VKORC1L1: variants seen among roughly 807,000 people sequenced by gnomAD.
VKORC1L1 encodes the protein vitamin K epoxide reductase complex subunit 1-like protein 1.
A neutral mutation model predicts 18.9 loss-of-function variants in VKORC1L1; 2 were observed. That is an observed-to-expected ratio of 0.11 (90% CI 0.04 to 0.33). The LOEUF (loss-of-function observed/expected upper bound fraction) is 0.33, where lower values mean the gene tolerates loss of function less well. VKORC1L1 is among the 10% of genes least tolerant of loss of function. The pLI, the probability that VKORC1L1 is intolerant of heterozygous loss-of-function variation, is 1.00. For missense variants in VKORC1L1, 123 were observed against 224.1 expected, an observed-to-expected ratio of 0.55 and a Z score of 2.88; for synonymous variants, 96 against 100.0, an observed-to-expected ratio of 0.96 and a Z score of 0.24.
upstream of VKORC1L1, among the ~76,000 whole-genome samples, chr7:65,872,606 G>A (rs999976168): frequency 2.0e-5 from 3 of 152,126 alleles, no homozygotes; most frequent in Non-Finnish European, 4.4e-5. Context: ...GGGATTACGG[G>A]TGTAAGCCAC....
At chr7:65,941,203 A>C (rs1331544904) in intron 1 of VKORC1L1, among the ~76,000 whole-genome samples, 2 of 152,122 alleles carry the variant, frequency 1.3e-5, no homozygotes, top group East Asian at 1.9e-4. Context: ...GCAGCCTCAA[A>C]CTCCTGGGCT....
Position 65,891,010 on chromosome 7 carries a change from A to G in VKORC1L1, c.194+17445A>G, listed in dbSNP as rs374060788. Reference sequence around the variant, plus strand: ...CCACACTGTTTTGACTTTGGCCACTATACATGCGTTTGGCCTGTTTTTGAA... The same window carrying G: ...CCACACTGTTTTGACTTTGGCCACTGTACATGCGTTTGGCCTGTTTTTGAA... On this transcript the variant is annotated intron_variant, in intron 1 of 2. Coordinates refer to ENST00000360768, the MANE Select transcript of VKORC1L1 (RefSeq NM_173517.6). 5.5e-4 allele frequency among the ~76,000 whole-genome samples: 83 copies of G among 152,068 alleles called. 1 individual carries two copies. Among genetic ancestry groups the G allele is most frequent in the African/African-American group, 2.0e-3 (83 of 41,490 alleles).
At chr7:65,911,919 A>G (rs1789508430) in intron 1 of VKORC1L1, among the ~76,000 whole-genome samples, 1 of 152,220 alleles carries the variant, frequency 6.6e-6, no homozygotes, top group South Asian at 2.1e-4. Context: ...GAAAATAGCT[A>G]GTTTCACTGC....
intron 1 of VKORC1L1, among the ~76,000 whole-genome samples, chr7:65,915,429 T>C (rs1789571703): frequency 6.7e-6 from 1 of 148,518 alleles, no homozygotes; most frequent in African/African-American, 2.5e-5. Context: ...TTTTTTTTTT[T>C]AGATGGAGTC....
intron 1 of VKORC1L1, among the ~76,000 whole-genome samples, chr7:65,916,061 A>C (rs931826003): frequency 3.2e-4 from 48 of 151,494 alleles, no homozygotes; most frequent in African/African-American, 1.1e-3. Context: ...CAGTGAGCCA[A>C]GATCACGCTA....
chr7:65,926,886 A>G (rs1466377298), intron 1 of VKORC1L1, among the ~76,000 whole-genome samples: 2 of 152,322 alleles, frequency 1.3e-5, no homozygotes, highest in East Asian at 3.8e-4. Context: ...CTCACTTATA[A>G]GTGGGAGCTA....
chr7:65,882,181 A>G (rs1328253355), intron 1 of VKORC1L1, among the ~76,000 whole-genome samples: 2 of 152,068 alleles, frequency 1.3e-5, no homozygotes, highest in Non-Finnish European at 2.9e-5. Context: ...GGAGTTGGAG[A>G]CCAGCCTGAC....
chr7:65,928,979 A>C (rs948697121), intron 1 of VKORC1L1, among the ~76,000 whole-genome samples: 6 of 152,180 alleles, frequency 3.9e-5, no homozygotes, highest in Non-Finnish European at 5.9e-5. Flanking sequence ...GTATTTCTCT[A>C]ATAACTAAAG....
chr7:65,877,351 T>C (rs1325020189), intron 1 of VKORC1L1, among the ~76,000 whole-genome samples: 1 of 132,524 alleles, frequency 7.5e-6, no homozygotes, highest in Non-Finnish European at 1.7e-5. Context: ...CAGAATATTC[T>C]TTTTTTTTTT....
chr7:65,935,530 C>T (rs368524650), intron 1 of VKORC1L1, among the ~76,000 whole-genome samples: 2 of 152,008 alleles, frequency 1.3e-5, no homozygotes, highest in African/African-American at 2.4e-5. Context: ...GGATGATCTT[C>T]GATCTCCTGA....
intron 1 of VKORC1L1, among the ~76,000 whole-genome samples, chr7:65,883,820 C>T (rs1788969099): frequency 6.6e-6 from 1 of 151,974 alleles, no homozygotes; most frequent in Admixed American, 6.6e-5. Context: ...GTTATAGATG[C>T]ACATAAAATT....
chr7:65,869,491 G>C (rs1380889087), upstream of VKORC1L1, among the ~76,000 whole-genome samples: 1 of 151,958 alleles, frequency 6.6e-6, no homozygotes, highest in Non-Finnish European at 1.5e-5. Context: ...TTCCTGTGGC[G>C]GCTTTGGGGA....
Position 65,903,157 on chromosome 7 carries a change from C to T in VKORC1L1, c.194+29592C>T, listed in dbSNP as rs28772730. The stretch of plus-strand genomic sequence containing the variant: ...CTGGGATTACAGGTGTAAGCCACCA[C>T]GCTTGGCCTTCATTTTTTTTTTTTT... On this transcript the variant is annotated intron_variant, in intron 1 of 2. Coordinates refer to ENST00000360768, the MANE Select transcript of VKORC1L1 (RefSeq NM_173517.6). 1.1e-3 allele frequency among the ~76,000 whole-genome samples: 165 copies of T among 149,298 alleles called. 1 individual carries two copies. The highest frequency in any genetic ancestry group is 3.7e-3 in the African/African-American group (150 of 40,708).
intron 1 of VKORC1L1, among the ~76,000 whole-genome samples, chr7:65,927,917 A>G (rs1187581684): frequency 6.6e-6 from 1 of 152,098 alleles, no homozygotes; most frequent in Non-Finnish European, 1.5e-5. Context: ...GCCCCAACTG[A>G]TAGGCGCCTG....
chr7:65,925,372 A>C (rs35310401), intron 1 of VKORC1L1, among the ~76,000 whole-genome samples: 2 of 152,070 alleles, frequency 1.3e-5, no homozygotes, highest in Non-Finnish European at 2.9e-5. Context: ...TCAGTGCTCT[A>C]AACTGTTACA....
intron 1 of VKORC1L1, among the ~76,000 whole-genome samples, chr7:65,875,496 C>T (rs1410719054): frequency 2.0e-5 from 3 of 152,092 alleles, no homozygotes; most frequent in Non-Finnish European, 4.4e-5. Context: ...CGACTCACTG[C>T]AACCTCCACC....
At chr7:65,878,719 A>G (rs1788872798) in intron 1 of VKORC1L1, among the ~76,000 whole-genome samples, 1 of 152,120 alleles carries the variant, frequency 6.6e-6, no homozygotes, top group Non-Finnish European at 1.5e-5. Flanking sequence ...CCTGGCTAAC[A>G]TGGTGAAACC....
intron 1 of VKORC1L1, among the ~76,000 whole-genome samples, chr7:65,895,516 T>TATATATATATATATATATATAC (rs370356956): frequency 1.4e-5 from 1 of 71,582 alleles, no homozygotes; most frequent in Non-Finnish European, 2.7e-5. Context: ...TATATATATA[T>TATATATATATATATATATATAC]ACACACACAC....
intron 1 of VKORC1L1, among the ~76,000 whole-genome samples, chr7:65,890,131 T>G (rs1190156613): frequency 6.9e-6 from 1 of 144,558 alleles, no homozygotes; most frequent in Non-Finnish European, 1.5e-5. Context: ...GTAATTTTTT[T>G]TTTTTTTTTT....
Sources: allele counts gnomAD v4.1 joint callset (sites outside exome capture counted in the v4.1 genomes callset), GRCh38; gene constraint gnomAD v4.1.1; transcripts MANE v1.5; gene names NCBI Gene and HGNC (gene_info 2026-07-23, HGNC 2026-07-21).